The following GALNTL6 variants were observed in gnomAD, a reference collection of about 807,000 sequenced individuals.
GALNTL6 encodes polypeptide N-acetylgalactosaminyltransferase-like 6.
Under a neutral mutation model 73.7 loss-of-function variants are expected in GALNTL6, and 46 were observed. The observed-to-expected ratio is 0.62, with a 90% CI of 0.49 to 0.80. The LOEUF (loss-of-function observed/expected upper bound fraction) is 0.80, where lower values mean the gene tolerates loss of function less well. Among genes scored for constraint, GALNTL6 ranks in the 30% least tolerant of loss-of-function variants. GALNTL6 has a pLI of 0.00. For missense variants in GALNTL6, 604 were observed against 755.0 expected, an observed-to-expected ratio of 0.80 and a Z score of 2.34; for synonymous variants, 259 against 263.7, an observed-to-expected ratio of 0.98 and a Z score of 0.17.
intron 2 of GALNTL6, among the ~76,000 whole-genome samples, chr4:172,176,478 G>T (rs1735006260): frequency 6.6e-6 from 1 of 151,862 alleles, no homozygotes; most frequent in African/African-American, 2.4e-5. Flanking sequence ...AAGGAAAGCA[G>T]ATAATAGAAT....
chr4:172,385,178 C>T (rs1037796145), intron 5 of GALNTL6, among the ~76,000 whole-genome samples: 3 of 151,454 alleles, frequency 2.0e-5, no homozygotes, highest in African/African-American at 7.3e-5. Context: ...TTAAATTTAT[C>T]GAGGTATGTT....
intron 5 of GALNTL6, chr4:172,380,402 T>C (rs1743237055): frequency 1.6e-6 from 1 of 628,330 alleles, no homozygotes; most frequent in Non-Finnish European, 3.1e-6. Flanking sequence ...GATGTTGCTC[T>C]CATATGGTTC....
intron 5 of GALNTL6, among the ~76,000 whole-genome samples, chr4:172,718,970 AGCAACTCAATGAAACACTC>A (rs1735280959): frequency 6.6e-6 from 1 of 152,214 alleles, no homozygotes; most frequent in African/African-American, 2.4e-5. Context: ...TTGTTCATTT[AGCAACTCAATGAAACACTC>A]TCCAATTTAT....
Position 173,039,956 on chromosome 4 carries a change from G to A in GALNTL6, c.1662G>A (p.Val554=). Residue 554 remains valine, a synonymous_variant, in exon 13 of 13, where the codon GTG becomes GTA. Coordinates refer to ENST00000506823, the MANE Select transcript of GALNTL6 (RefSeq NM_001034845.3). ...AGGACAGAACATTATTCCATCCTGT[G>A]AGCAACAGCTGCATGGATTGCAACC... ...YRKDRTLFHP[V]SNSCMDCNPA... The A allele has an allele frequency of 1.2e-6, 2 of 1,613,794 alleles. No homozygotes were observed. The highest frequency in any genetic ancestry group is 1.1e-5 in the South Asian group (1 of 90,986).
At chr4:172,083,914 T>C (rs1011624832) in intron 2 of GALNTL6, among the ~76,000 whole-genome samples, 1 of 152,192 alleles carries the variant, frequency 6.6e-6, no homozygotes, top group Non-Finnish European at 1.5e-5. Flanking sequence ...ATAGATATAC[T>C]CTCAAGAGGA....
intron 3 of GALNTL6, among the ~76,000 whole-genome samples, chr4:172,268,185 C>T (rs1738514563): frequency 6.6e-6 from 1 of 152,092 alleles, no homozygotes; most frequent in Non-Finnish European, 1.5e-5. Flanking sequence ...ATGTTATTGC[C>T]AAATATATCA....
chr4:172,609,625 CTGTGTGTGTGTGTG>C (rs35490374), intron 5 of GALNTL6, among the ~76,000 whole-genome samples: 8 of 92,776 alleles, frequency 8.6e-5, no homozygotes, highest in African/African-American at 3.7e-4. Context: ...CTCTCTCTCT[CTGTGTGTGTGTGTG>C]TGTGTGTGTG....
chr4:173,013,476 A>G (rs1752642020), intron 11 of GALNTL6, among the ~76,000 whole-genome samples: 1 of 152,106 alleles, frequency 6.6e-6, no homozygotes, highest in Non-Finnish European at 1.5e-5. Context: ...ATTTTATTTG[A>G]CAGCGGAACA....
chr4:172,738,980 G>A (rs867243441), intron 5 of GALNTL6, among the ~76,000 whole-genome samples: 20 of 152,174 alleles, frequency 1.3e-4, no homozygotes, highest in African/African-American at 4.3e-4. Flanking sequence ...TGCAGATGAA[G>A]CCTCCAGGTA....
chr4:172,363,042 A>G (rs188138155), intron 5 of GALNTL6, among the ~76,000 whole-genome samples: 1 of 152,242 alleles, frequency 6.6e-6, no homozygotes, highest in African/African-American at 2.4e-5. Flanking sequence ...TTCCCTCTCT[A>G]TAACTTTTTC....
At chr4:172,798,699 A>T (rs1393981234) in intron 5 of GALNTL6, among the ~76,000 whole-genome samples, 2 of 152,256 alleles carry the variant, frequency 1.3e-5, no homozygotes, top group African/African-American at 2.4e-5. Flanking sequence ...GTGCACGTAC[A>T]TGTAAAAATA....
chr4:172,089,549 T>C (rs1222715816), intron 2 of GALNTL6, among the ~76,000 whole-genome samples: 1 of 152,070 alleles, frequency 6.6e-6, no homozygotes, highest in East Asian at 1.9e-4. Context: ...TGGAGATTCA[T>C]AGCCCAATAT....
chr4:171,986,888 G>A (rs991756767), intron 2 of GALNTL6, among the ~76,000 whole-genome samples: 4 of 152,194 alleles, frequency 2.6e-5, no homozygotes, highest in African/African-American at 9.7e-5. Flanking sequence ...GTTAAGAGTG[G>A]CAGTTTGGGA....
chr4:172,194,944 T>C (rs1283645436), intron 2 of GALNTL6, among the ~76,000 whole-genome samples: 1 of 152,094 alleles, frequency 6.6e-6, no homozygotes, highest in Non-Finnish European at 1.5e-5. Context: ...TTATGCATAA[T>C]AATATTAACC....
intron 2 of GALNTL6, among the ~76,000 whole-genome samples, chr4:171,990,693 A>T (rs1434433792): frequency 6.6e-6 from 1 of 152,226 alleles, no homozygotes; most frequent in Non-Finnish European, 1.5e-5. Context: ...TATACAAACT[A>T]AAAAGTCAAG....
intron 5 of GALNTL6, among the ~76,000 whole-genome samples, chr4:172,716,454 A>G (rs945596675): frequency 1.1e-4 from 16 of 152,006 alleles, no homozygotes; most frequent in African/African-American, 3.9e-4. Context: ...TTACATCTTG[A>G]TGAAAGCTCA....
At chr4:172,028,012 G>C (rs889428843) in intron 2 of GALNTL6, among the ~76,000 whole-genome samples, 6 of 152,088 alleles carry the variant, frequency 3.9e-5, no homozygotes. Context: ...AGCTATAGCA[G>C]ATTACCCAGA....
At chr4:171,846,887 C>CATAATTATATGTAATTATATATACAT (rs61579471) in intron 2 of GALNTL6, among the ~76,000 whole-genome samples, 1,916 of 137,164 alleles carry the variant, frequency 0.014, 25 homozygotes, top group African/African-American at 0.034. Flanking sequence ...ATTATATACA[C>CATAATTATATGTAATTATATATACAT]ATAATTATAT....
At chr4:172,619,018 G>A (rs927110520) in intron 5 of GALNTL6, among the ~76,000 whole-genome samples, 4 of 152,074 alleles carry the variant, frequency 2.6e-5, no homozygotes, top group Non-Finnish European at 5.9e-5. Flanking sequence ...CACAGCACCC[G>A]ACCAATCACT....
Sources: allele counts gnomAD v4.1 joint callset (sites outside exome capture counted in the v4.1 genomes callset), GRCh38; gene constraint gnomAD v4.1.1; transcripts MANE v1.5; gene names NCBI Gene and HGNC (gene_info 2026-07-23, HGNC 2026-07-21).